The following PARD3B variants were observed in gnomAD, a reference collection of about 807,000 sequenced individuals.
PARD3B encodes par-3 family cell polarity regulator beta.
PARD3B carries 103 observed loss-of-function variants against 130.2 expected under a neutral mutation model. The observed-to-expected ratio is 0.79, with a 90% confidence interval of 0.67 to 0.93. The LOEUF (loss-of-function observed/expected upper bound fraction) is 0.93. Ranked by LOEUF, PARD3B falls within the 40% of genes least tolerant of loss-of-function variation. The pLI, the probability that PARD3B is intolerant of heterozygous loss-of-function variation, is 0.00. For missense variants in PARD3B, 1,609 were observed against 1,499.2 expected (o/e 1.07, Z -1.21); for synonymous variants, 583 against 553.2 (o/e 1.05, Z -0.76).
intron 22 of PARD3B, among the ~76,000 whole-genome samples, chr2:205,570,304 G>A (rs2053514808): frequency 6.6e-6 from 1 of 152,086 alleles, no homozygotes; most frequent in South Asian, 2.1e-4. Context: ...ACTGAATTAA[G>A]GGATTCACTG....
chr2:205,523,235 ATATATAT>A (rs1361818281), intron 21 of PARD3B, among the ~76,000 whole-genome samples: 2 of 144,518 alleles, frequency 1.4e-5, no homozygotes, highest in Non-Finnish European at 3.0e-5. Context: ...GTATATATAT[ATATATAT>A]TTATATATAT....
rs1320675255 is a variant in PARD3B, at chr2:204,623,392, C to G, written c.121-62789C>G. 6.6e-6 allele frequency among the ~76,000 whole-genome samples: 1 copy of G among 152,076 alleles called. No homozygotes were observed. The highest frequency in any genetic ancestry group is 1.5e-5 in the Non-Finnish European group (1 of 68,006). On this transcript the variant is annotated intron_variant, in intron 1 of 22. Transcript: ENST00000406610. The surrounding 1 kb of genome is among the most constrained non-coding windows in gnomAD (Gnocchi z 4.5). The stretch of plus-strand genomic sequence containing the variant: ...GAACTATTCTACCATATTCTACCAT[C>G]ACAAAAACCTCCCTCGTGCCACCCC...
intron 2 of PARD3B, among the ~76,000 whole-genome samples, chr2:204,828,725 T>G (rs995651743): frequency 1.3e-5 from 2 of 152,238 alleles, no homozygotes; most frequent in Non-Finnish European, 2.9e-5. Context: ...ATCTTTGATC[T>G]TTCTTTATTT....
chr2:204,756,226 T>C (rs1400180039), intron 2 of PARD3B, among the ~76,000 whole-genome samples: 2 of 152,082 alleles, frequency 1.3e-5, no homozygotes, highest in African/African-American at 4.8e-5. Flanking sequence ...AAAAACATCT[T>C]TTTATGGACA....
At chr2:205,476,128 T>C (rs924699895) in intron 20 of PARD3B, among the ~76,000 whole-genome samples, 1 of 152,134 alleles carries the variant, frequency 6.6e-6, no homozygotes, top group African/African-American at 2.4e-5. Flanking sequence ...CTTTGAAAGG[T>C]TCAGTGTCCA....
intron 1 of PARD3B, among the ~76,000 whole-genome samples, chr2:204,605,901 C>T (rs2033705557): frequency 6.6e-6 from 1 of 152,112 alleles, no homozygotes; most frequent in South Asian, 2.1e-4. Flanking sequence ...AGTCTCATTT[C>T]CTATGGCTAT....
intron 19 of PARD3B, among the ~76,000 whole-genome samples, chr2:205,401,986 CATT>C (rs1235236583): frequency 1.3e-5 from 2 of 152,020 alleles, no homozygotes; most frequent in Non-Finnish European, 2.9e-5. Flanking sequence ...CTAAAGAGAC[CATT>C]CTTGTATTGA....
At chr2:205,610,544 A>G (rs1228239799) in intron 22 of PARD3B, among the ~76,000 whole-genome samples, 3 of 152,176 alleles carry the variant, frequency 2.0e-5, no homozygotes, top group Non-Finnish European at 4.4e-5. Flanking sequence ...CAATTTCCTC[A>G]GCACCAGTTA....
intron 4 of PARD3B, among the ~76,000 whole-genome samples, chr2:205,095,706 C>G (rs1575766607): frequency 6.6e-6 from 1 of 152,070 alleles, no homozygotes; most frequent in African/African-American, 2.4e-5. Context: ...TCTTTTGACA[C>G]CTGGTATCAG....
intron 2 of PARD3B, among the ~76,000 whole-genome samples, chr2:204,759,180 T>C (rs1321129110): frequency 6.6e-6 from 1 of 152,200 alleles, no homozygotes; most frequent in South Asian, 2.1e-4. Context: ...AACACCTTTT[T>C]GGTTCCTCTG....
At chr2:205,482,367 C>T (rs985309011) in intron 20 of PARD3B, among the ~76,000 whole-genome samples, 3 of 152,058 alleles carry the variant, frequency 2.0e-5, no homozygotes, top group African/African-American at 7.2e-5. Context: ...GCAGTTTTAG[C>T]AGTGGTGAAG....
At chr2:204,761,218 A>C (rs946722508) in intron 2 of PARD3B, among the ~76,000 whole-genome samples, 5 of 152,194 alleles carry the variant, frequency 3.3e-5, no homozygotes, top group Admixed American at 6.5e-5. Flanking sequence ...CCAACAGATC[A>C]AAATTCTAAA....
chr2:204,629,713 A>G (rs1392408556), intron 1 of PARD3B, among the ~76,000 whole-genome samples: 2 of 152,128 alleles, frequency 1.3e-5, no homozygotes, highest in African/African-American at 2.4e-5. Flanking sequence ...ATCTCACCAT[A>G]TCTTTATAAT....
rs954706270 is a variant in PARD3B at position 205,405,568 on chromosome 2, C to T, written c.2741+4445C>T. 6.6e-6 allele frequency among the ~76,000 whole-genome samples: 1 copy of T among 152,184 alleles called. No individual in the cohort carries two copies. Among genetic ancestry groups the T allele is most frequent in the African/African-American group, 2.4e-5 (1 of 41,440 alleles). ...ATTTGAGAATGGTACCCAAACATTA[C>T]TGATGAATATCCCATCAATCTAAGC... On this transcript the variant is annotated intron_variant, in intron 19 of 22. Coordinates refer to ENST00000406610, the MANE Select transcript of PARD3B (RefSeq NM_001302769.2). This position sits in a 1 kb window ranked among gnomAD's most constrained non-coding sequence, Gnocchi z 4.1.
At chr2:205,208,268 A>G (rs1290406029) in intron 15 of PARD3B, among the ~76,000 whole-genome samples, 8 of 115,116 alleles carry the variant, frequency 6.9e-5, no homozygotes, top group Non-Finnish European at 1.4e-4. Context: ...TATCATACTG[A>G]ATGGGCAAAA....
rs371022010 is a variant in PARD3B at position 205,301,511 on chromosome 2, T to G, written c.2440T>G (p.Cys814Gly). Reference protein sequence around the residue: ...SSHSGQGALNCESAPQGNSEL... With the variant: ...SSHSGQGALNGESAPQGNSEL... ...TCACTCTGGCCAAGGAGCTCTGAATTGTGAGTCTGCCCCTCAGGGGAATTC... is the reference window on the plus strand; with the variant it reads ...TCACTCTGGCCAAGGAGCTCTGAATGGTGAGTCTGCCCCTCAGGGGAATTC... The change falls in exon 18 of 23, where the codon TGT becomes GGT. Residue 814 changes from cysteine to glycine, a missense_variant. Coordinates refer to ENST00000406610, the MANE Select transcript of PARD3B (RefSeq NM_001302769.2). The surrounding 1 kb of genome is among the most constrained non-coding windows in gnomAD (Gnocchi z 5.2). 3 of 1,613,914 alleles carry G rather than the reference T, an allele frequency of 1.9e-6. No individual in the cohort carries two copies. Among genetic ancestry groups the G allele is most frequent in the Non-Finnish European group, 2.5e-6 (3 of 1,179,988 alleles).
intron 20 of PARD3B, among the ~76,000 whole-genome samples, chr2:205,465,489 A>G (rs2048589637): frequency 6.6e-6 from 1 of 152,204 alleles, no homozygotes; most frequent in African/African-American, 2.4e-5. Context: ...ACTCGATTTC[A>G]TTATCTGAAT....
intron 19 of PARD3B, among the ~76,000 whole-genome samples, chr2:205,409,774 G>C (rs1011129573): frequency 3.3e-5 from 5 of 152,116 alleles, no homozygotes. Context: ...GTACCCTGGA[G>C]TGATGTATTA....
At chr2:205,004,289 A>G (rs1695078390) in intron 3 of PARD3B, among the ~76,000 whole-genome samples, 2 of 152,234 alleles carry the variant, frequency 1.3e-5, no homozygotes, top group African/African-American at 4.8e-5. Context: ...AATATCCTGT[A>G]TATTCTAGCC....
Sources: gnomAD v4.1 joint callset for allele counts (sites outside exome capture counted in the v4.1 genomes callset) on GRCh38, gnomAD v4.1.1 for gene constraint, Gnocchi (gnomAD v3.1) non-coding constraint, MANE v1.5 for transcripts, NCBI Gene and HGNC (gene_info 2026-07-23, HGNC 2026-07-21) for gene names.